DPP6: variants seen among roughly 807,000 people sequenced by gnomAD.
The protein encoded by DPP6 is A-type potassium channel modulatory protein DPP6.
In DPP6, 69 loss-of-function variants were observed where a neutral mutation model predicts 122.6. The ratio of observed to expected loss-of-function variants is 0.56; its 90% CI spans 0.46 to 0.69. DPP6 has a LOEUF of 0.69. DPP6 is among the 30% of genes least tolerant of loss of function. DPP6 has a pLI of 0.00. For missense variants in DPP6, 928 were observed against 1,116.9 expected (o/e 0.83, Z 2.41); for synonymous variants, 418 against 433.1 (o/e 0.97, Z 0.43).
intron 1 of DPP6, among the ~76,000 whole-genome samples, chr7:153,941,861 C>T (rs117388274): frequency 1.1e-3 from 166 of 152,242 alleles, no homozygotes; most frequent in Admixed American, 2.5e-3. Flanking sequence ...CTCCCTCTCT[C>T]TGTTTCTGTT....
At position 154,403,422 on chromosome 7, in the gene DPP6, C is replaced by T. The variant is rs1464358229; in HGVS notation, c.244-42792C>T. ...GATGCCTCCTGGGTGTTGAAGAGTC[C>T]GAAGGATCCAGAATGGCAGAGAGGG... On this transcript the variant is annotated intron_variant, in intron 1 of 25. Coordinates refer to ENST00000377770, the MANE Select transcript of DPP6 (RefSeq NM_130797.4). The surrounding 1 kb of genome is among the most constrained non-coding windows in gnomAD (Gnocchi z 4.1). Among the ~76,000 whole-genome samples, 6 of 152,186 alleles carry T rather than the reference C, an allele frequency of 3.9e-5. No individual in the cohort carries two copies. Among genetic ancestry groups the T allele is most frequent in the Non-Finnish European group, 7.4e-5 (5 of 68,022 alleles).
At chr7:154,204,427 A>G (rs1799327553) in intron 1 of DPP6, among the ~76,000 whole-genome samples, 1 of 152,238 alleles carries the variant, frequency 6.6e-6, no homozygotes, top group Non-Finnish European at 1.5e-5. Context: ...CTTATAGCAT[A>G]GAATGAGAAG....
intron 1 of DPP6, among the ~76,000 whole-genome samples, chr7:154,275,863 C>T (rs564756146): frequency 3.3e-5 from 5 of 152,356 alleles, no homozygotes; most frequent in African/African-American, 1.2e-4. Flanking sequence ...ATATCCATGG[C>T]CATTCTCACC....
At chr7:154,549,651 G>A (rs1008047757) in intron 4 of DPP6, among the ~76,000 whole-genome samples, 1 of 152,130 alleles carries the variant, frequency 6.6e-6, no homozygotes, top group East Asian at 1.9e-4. Flanking sequence ...CTCTGCTTAC[G>A]TTAGAAGGGT....
chr7:153,980,823 G>A (rs1272212534), intron 1 of DPP6, among the ~76,000 whole-genome samples: 1 of 152,188 alleles, frequency 6.6e-6, no homozygotes, highest in Non-Finnish European at 1.5e-5. Context: ...TCATTCAGGA[G>A]CAGGTTGTTC....
rs561464663 is a variant in DPP6 at position 154,884,101 on chromosome 7, TACACATGCTCAC to T, written c.2134-1519_2134-1508del. The stretch of plus-strand genomic sequence containing the variant: ...ATGCTCACACACACATGCTCACCCA[TACACATGCTCAC>T]ACACATGCTCACCCATACACATGCT... On this transcript the variant is annotated intron_variant, in intron 21 of 25. Transcript: ENST00000377770. The T allele has an allele frequency of 7.1e-3, 406 of 57,352 alleles. 2 individuals carry two copies. The highest frequency in any genetic ancestry group is 9.9e-3 in the Non-Finnish European group (301 of 30,300). 3.6% of individuals were successfully genotyped at this position (57,352 alleles called of 1,614,324 possible). A position where few individuals can be genotyped will look rare whatever the true frequency, so the allele number is the denominator to read the frequency against.
At chr7:153,804,053 CTTT>C in the DPP6 span, among the ~76,000 whole-genome samples, 1 of 145,444 alleles carries the variant, frequency 6.9e-6, no homozygotes, top group Admixed American at 6.9e-5. Context: ...ATCCCTAGTA[CTTT>C]TTTTTTTTTT....
At chr7:154,225,309 GAAGAT>G (rs1050649295) in intron 1 of DPP6, among the ~76,000 whole-genome samples, 94 of 152,130 alleles carry the variant, frequency 6.2e-4, no homozygotes, top group African/African-American at 1.9e-3. Context: ...AAAAATTTAA[GAAGAT>G]AAGAGTTTTC....
chr7:154,888,699 G>A (rs1423994987), intron 23 of DPP6, among the ~76,000 whole-genome samples: 1 of 152,198 alleles, frequency 6.6e-6, no homozygotes, highest in Non-Finnish European at 1.5e-5. Context: ...CAAAAAGGGA[G>A]TTAATGTGGG....
chr7:153,910,238 T>C (rs1467807074), intron 1 of DPP6, among the ~76,000 whole-genome samples: 5 of 148,674 alleles, frequency 3.4e-5, no homozygotes, highest in African/African-American at 5.0e-5. Context: ...TTCTTTCTTT[T>C]TTTTTTTTTG....
At chr7:154,092,498 C>T (rs1482587835) in intron 1 of DPP6, 4 of 148,368 alleles carry the variant, frequency 2.7e-5, no homozygotes, top group African/African-American at 4.9e-5. Flanking sequence ...ATGGCCTTTA[C>T]ATTTTTCAGA....
chr7:154,121,253 A>G (rs1253738167), intron 1 of DPP6, among the ~76,000 whole-genome samples: 1 of 152,084 alleles, frequency 6.6e-6, no homozygotes, highest in Non-Finnish European at 1.5e-5. Flanking sequence ...CTGTTTTTCT[A>G]TTCTCTACGT....
At chr7:154,364,203 G>T (rs1374204442) in intron 1 of DPP6, among the ~76,000 whole-genome samples, 1 of 152,172 alleles carries the variant, frequency 6.6e-6, no homozygotes, top group African/African-American at 2.4e-5. Flanking sequence ...AGAAAAGACT[G>T]TTGTCCCAAC....
At chr7:154,530,210 G>T (rs1482739902) in intron 3 of DPP6, among the ~76,000 whole-genome samples, 1 of 151,988 alleles carries the variant, frequency 6.6e-6, no homozygotes, top group Non-Finnish European at 1.5e-5. Context: ...TGCGTCAGAG[G>T]CCTGTGAAGA....
chr7:153,781,983 C>CACAT, the DPP6 span, among the ~76,000 whole-genome samples: 1 of 107,540 alleles, frequency 9.3e-6, no homozygotes, highest in Non-Finnish European at 2.1e-5. Context: ...AGAATACACA[C>CACAT]ACACACACAC....
At chr7:154,199,535 G>T (rs1043799889) in intron 1 of DPP6, among the ~76,000 whole-genome samples, 1 of 152,074 alleles carries the variant, frequency 6.6e-6, no homozygotes, top group African/African-American at 2.4e-5. Context: ...TATTCATGAA[G>T]AATTTGCATA....
At chr7:154,496,489 GT>G (rs1482754528) in intron 3 of DPP6, among the ~76,000 whole-genome samples, 4 of 152,188 alleles carry the variant, frequency 2.6e-5, no homozygotes, top group Admixed American at 2.0e-4. Flanking sequence ...ATGTTTTACT[GT>G]GGGGTTACTC....
At chr7:154,301,451 G>C (rs1805892388) in intron 1 of DPP6, among the ~76,000 whole-genome samples, 1 of 152,110 alleles carries the variant, frequency 6.6e-6, no homozygotes, top group Non-Finnish European at 1.5e-5. Context: ...TATAGATGCT[G>C]CTTTCTAGAA....
chr7:153,917,816 T>C (rs1201177094), intron 1 of DPP6, among the ~76,000 whole-genome samples: 1 of 152,222 alleles, frequency 6.6e-6, no homozygotes, highest in Non-Finnish European at 1.5e-5. Context: ...ACTGAAGTCC[T>C]AGCAAAAGTA....
Sources: allele counts gnomAD v4.1 joint callset (sites outside exome capture counted in the v4.1 genomes callset), GRCh38; gene constraint gnomAD v4.1.1; non-coding constraint Gnocchi (gnomAD v3.1); transcripts MANE v1.5; gene names NCBI Gene and HGNC (gene_info 2026-07-23, HGNC 2026-07-21).